Variants in FRMPD1 observed in about 807,000 individuals in gnomAD.
FRMPD1 encodes FERM and PDZ domain containing 1.
In FRMPD1, 76 loss-of-function variants were observed where a neutral mutation model predicts 117.8. That is an observed-to-expected ratio of 0.65 (90% CI 0.54 to 0.78). The LOEUF (loss-of-function observed/expected upper bound fraction) is 0.78. FRMPD1 is among the 30% of genes least tolerant of loss of function. The probability of loss-of-function intolerance (pLI) is 0.00; values close to 1 mark genes in which losing one functional copy is unlikely to be tolerated. For synonymous variants in FRMPD1, 783 were observed against 770.4 expected, an observed-to-expected ratio of 1.02 and a Z score of -0.27; for missense variants, 1,786 against 1,964.5, an observed-to-expected ratio of 0.91 and a Z score of 1.72.
At chr9:37,722,477 G>A (rs930339300) in intron 6 of FRMPD1, among the ~76,000 whole-genome samples, 4 of 151,806 alleles carry the variant, frequency 2.6e-5, no homozygotes, top group Non-Finnish European at 4.4e-5. Context: ...GTGTGATCTC[G>A]GCTCACTGCA....
intron 1 of FRMPD1, among the ~76,000 whole-genome samples, chr9:37,681,212 CAAAAA>C (rs72098221): frequency 1.2e-5 from 1 of 85,662 alleles, no homozygotes; most frequent in Non-Finnish European, 2.2e-5. Context: ...GACTCTGTCT[CAAAAA>C]AAAAAAAAAA....
At chr9:37,708,643 G>A in intron 4 of FRMPD1, 142 bp downstream of exon 4, 3 of 590,532 alleles carry the variant, frequency 5.1e-6, no homozygotes, top group East Asian at 5.8e-5. Context: ...TCGTTTTAGA[G>A]TTCCATCTAT....
At chr9:37,732,485 G>A in intron 10 of FRMPD1, 45 bp downstream of exon 10, 2 of 1,554,302 alleles carry the variant, frequency 1.3e-6, no homozygotes. Context: ...ATAACTTGCT[G>A]GCCCCTGGCC....
At chr9:37,655,337 C>T (rs907309426) in intron 1 of FRMPD1, among the ~76,000 whole-genome samples, 3 of 152,080 alleles carry the variant, frequency 2.0e-5, no homozygotes, top group Admixed American at 2.0e-4. Flanking sequence ...GTGCTCTGTA[C>T]TGTAAAGTGT....
In FRMPD1 at chr9:37,729,869, C is replaced by T. The variant is rs184898614; in HGVS notation, c.738+16C>T. On this transcript the variant is annotated intron_variant, in intron 8 of 15. Coordinates refer to ENST00000377765, the MANE Select transcript of FRMPD1 (RefSeq NM_014907.3). ...CATCCAGCAGGTAGGGAGGACTGAC[C>T]GCCTGTTCCTGGGAGGCATGGGCTG... The T allele has an allele frequency of 5.3e-4, 847 of 1,611,390 alleles. 3 individuals are homozygous for T. In the African/African-American group the frequency reaches 9.6e-3, roughly 18 times the overall value.
chr9:37,745,543 G>A lies in FRMPD1; in HGVS notation c.3511G>A (p.Glu1171Lys), dbSNP rs551468496. 15 of 1,613,968 alleles carry A rather than the reference G, an allele frequency of 9.3e-6. No homozygotes were observed. The highest frequency in any genetic ancestry group is 4.0e-5 in the African/African-American group (3 of 75,004). The change falls in exon 16 of 16, where the codon GAG becomes AAG. Residue 1171 changes from glutamate (E) to lysine (K), a missense_variant. Physicochemically the swap from Glu to Lys is moderately conservative, Grantham distance 56 (BLOSUM62 1). Coordinates refer to ENST00000377765, the MANE Select transcript of FRMPD1 (RefSeq NM_014907.3). The stretch of plus-strand genomic sequence containing the variant: ...TTTAGATGCTCCTGTAACAGGGACC[G>A]AGCAGATCCCACCACATCCCCCTAG... ...LSLDAPVTGT[E>K]QIPPHPPRDP...
intron 2 of FRMPD1, among the ~76,000 whole-genome samples, chr9:37,693,616 G>A (rs1422684579): frequency 6.6e-6 from 1 of 152,202 alleles, no homozygotes; most frequent in Non-Finnish European, 1.5e-5. Flanking sequence ...CCAATGCTCA[G>A]AAAGCTTGGA....
Position 37,664,127 on chromosome 9 carries a change from C to T in FRMPD1, c.-5+13033C>T, listed in dbSNP as rs1280775048. ...TGATTATTAGGTTCTGTGTCTGACT[C>T]ACCTGCTGGAACTGTGAAATGTTTC... On this transcript the variant is annotated intron_variant, in intron 1 of 15. Coordinates refer to ENST00000377765, the MANE Select transcript of FRMPD1 (RefSeq NM_014907.3). Among the ~76,000 whole-genome samples the T allele has an allele frequency of 2.6e-5, 4 of 151,990 alleles. No homozygotes were observed. The East Asian group carries it at 5.8e-4, about 22-fold the overall frequency.
chr9:37,731,097 T>C lies in FRMPD1; in HGVS notation c.852T>C (p.Tyr284=). ...KEDPVAFEYL[Y]LQSCSDVLQE... ...ACCCCGTGGCCTTTGAATACCTCTATCTGCAGGTGACTGGGTCTGTGCTTC... is the reference window on the plus strand; with the variant it reads ...ACCCCGTGGCCTTTGAATACCTCTACCTGCAGGTGACTGGGTCTGTGCTTC... Residue 284 remains tyrosine (Y), a synonymous_variant, in exon 9 of 16, where the codon TAT becomes TAC. Transcript: ENST00000377765. 6.2e-7 allele frequency: 1 copy of C among 1,613,582 alleles called. No individual in the cohort carries two copies. The highest frequency in any genetic ancestry group is 1.7e-4 in the Middle Eastern group (1 of 6,044).
intron 2 of FRMPD1, among the ~76,000 whole-genome samples, chr9:37,701,541 GTT>G (rs777048201): frequency 7.1e-6 from 1 of 141,048 alleles, no homozygotes; most frequent in Non-Finnish European, 1.6e-5. Context: ...GTGTGTGTGT[GTT>G]TTGGAGGCAG....
chr9:37,696,246 G>T (rs1822319908), intron 2 of FRMPD1, among the ~76,000 whole-genome samples: 1 of 151,660 alleles, frequency 6.6e-6, no homozygotes, highest in Non-Finnish European at 1.5e-5. Flanking sequence ...AAGGCACAGG[G>T]AGTCCATTCT....
At chr9:37,638,688 C>T in the FRMPD1 span, among the ~76,000 whole-genome samples, 3 of 152,138 alleles carry the variant, frequency 2.0e-5, no homozygotes, top group Non-Finnish European at 4.4e-5. Flanking sequence ...GAAAAGGAGG[C>T]CTTTTCAACT....
At position 37,733,724 on chromosome 9, in the gene FRMPD1, A is replaced by G. The variant is rs770585299; in HGVS notation, c.1123-6A>G. 3 of 1,595,342 alleles carry G rather than the reference A, an allele frequency of 1.9e-6. No individual in the cohort carries two copies. Among genetic ancestry groups the G allele is most frequent in the Non-Finnish European group, 2.6e-6 (3 of 1,163,646 alleles). On this transcript the variant is annotated splice_polypyrimidine_tract_variant and splice_region_variant and intron_variant, in intron 11 of 15. Transcript: ENST00000377765. ...TGACTTCAAGTGTTTTTTTTTCTCT[A>G]TTAAGCAACTTATTTCTGCTGCCCA...
intron 1 of FRMPD1, among the ~76,000 whole-genome samples, chr9:37,665,792 G>A (rs1416784100): frequency 1.3e-5 from 2 of 152,054 alleles, no homozygotes; most frequent in South Asian, 2.1e-4. Context: ...GGCAACGTTG[G>A]GGTGGTCAGA....
At chr9:37,621,924 C>T in the FRMPD1 span, among the ~76,000 whole-genome samples, 1 of 152,072 alleles carries the variant, frequency 6.6e-6, no homozygotes, top group Non-Finnish European at 1.5e-5. Context: ...CACAATAGTA[C>T]CACGTAAGAG....
chr9:37,695,775 GTCCACCTCTCTCTCCCTGGGACCCCC>G (rs1030946281), intron 2 of FRMPD1, among the ~76,000 whole-genome samples: 1 of 152,046 alleles, frequency 6.6e-6, no homozygotes, highest in African/African-American at 2.4e-5. Context: ...CTTCAGAACT[GTCCACCTCTCTCTCCCTGGGACCCCC>G]GCAAGGATCA....
the FRMPD1 span, among the ~76,000 whole-genome samples, chr9:37,613,206 G>A: frequency 3.9e-5 from 6 of 152,220 alleles, no homozygotes; most frequent in Admixed American, 3.9e-4. Context: ...CCTGGTGTAA[G>A]AGGGAAGATA....
the FRMPD1 span, among the ~76,000 whole-genome samples, chr9:37,605,680 AATTTT>A: frequency 7.3e-6 from 1 of 137,014 alleles, no homozygotes; most frequent in African/African-American, 2.7e-5. Context: ...ATTCTGGTAG[AATTTT>A]ATTTATTTAT....
chr9:37,666,002 G>A lies in FRMPD1; in HGVS notation c.-5+14908G>A, dbSNP rs368618872. ...CACTTTGAATATTAAAGATAGTGAT[G>A]CCTTTTGCCATACATCTCCAAAGAG... On this transcript the variant is annotated intron_variant, in intron 1 of 15. Coordinates refer to ENST00000377765, the MANE Select transcript of FRMPD1 (RefSeq NM_014907.3). 9.1e-4 allele frequency among the ~76,000 whole-genome samples: 138 copies of A among 152,274 alleles called. 2 individuals carry two copies. Among genetic ancestry groups the A allele is most frequent in the African/African-American group, 3.0e-3 (124 of 41,548 alleles).
Sources: allele counts gnomAD v4.1 joint callset (sites outside exome capture counted in the v4.1 genomes callset), GRCh38; gene constraint gnomAD v4.1.1; transcripts MANE v1.5; gene names NCBI Gene and HGNC (gene_info 2026-07-23, HGNC 2026-07-21).